The following PLD5 variants were observed in gnomAD, a reference collection of about 807,000 sequenced individuals.
PLD5 encodes the protein inactive phospholipase D5.
In PLD5, 36 loss-of-function variants were observed where a neutral mutation model predicts 61.1. The ratio of observed to expected loss-of-function variants is 0.59; its 90% CI spans 0.45 to 0.78. The LOEUF (loss-of-function observed/expected upper bound fraction) is 0.78. Ranked by LOEUF, PLD5 falls within the 30% of genes least tolerant of loss-of-function variation. The pLI, the probability that PLD5 is intolerant of heterozygous loss-of-function variation, is 0.00. For synonymous variants in PLD5, 243 were observed against 242.8 expected, an observed-to-expected ratio of 1.00 and a Z score of -0.01; for missense variants, 515 against 644.4, an observed-to-expected ratio of 0.80 and a Z score of 2.17.
At chr1:242,437,686 CAAAAA>C (rs11308782) in intron 1 of PLD5, among the ~76,000 whole-genome samples, 2 of 149,532 alleles carry the variant, frequency 1.3e-5, no homozygotes, top group Non-Finnish European at 3.0e-5. Flanking sequence ...GTTTACGTCT[CAAAAA>C]AAAAAAATTT....
intron 5 of PLD5, among the ~76,000 whole-genome samples, chr1:242,217,726 T>C (rs1670306179): frequency 6.6e-6 from 1 of 152,092 alleles, no homozygotes; most frequent in African/African-American, 2.4e-5. Context: ...CTCTGAGGGG[T>C]TTAAGACTTC....
intron 1 of PLD5, among the ~76,000 whole-genome samples, chr1:242,383,439 T>TTTTTTCC (rs1315375790): frequency 1.3e-5 from 2 of 152,008 alleles, no homozygotes; most frequent in African/African-American, 4.8e-5. Context: ...TTCATTTACT[T>TTTTTTCC]TTTTTCCTTC....
chr1:242,411,717 C>T (rs1320633039), intron 1 of PLD5, among the ~76,000 whole-genome samples: 5 of 152,132 alleles, frequency 3.3e-5, no homozygotes, highest in African/African-American at 4.8e-5. Context: ...AAATAAGAGA[C>T]GTTTCCCTAT....
chr1:242,225,275 A>G (rs1670860391), intron 4 of PLD5, among the ~76,000 whole-genome samples: 1 of 152,044 alleles, frequency 6.6e-6, no homozygotes, highest in South Asian at 2.1e-4. Flanking sequence ...ATTTCATGGT[A>G]TGGAATGCAC....
intron 1 of PLD5, among the ~76,000 whole-genome samples, chr1:242,397,003 CCT>C (rs1293714865): frequency 2.0e-5 from 3 of 152,062 alleles, no homozygotes; most frequent in East Asian, 3.9e-4. Flanking sequence ...CTCTCTGGCC[CCT>C]CTTTTTCAGT....
At chr1:242,122,315 G>C (rs1217135439) in intron 6 of PLD5, among the ~76,000 whole-genome samples, 1 of 152,172 alleles carries the variant, frequency 6.6e-6, no homozygotes, top group Non-Finnish European at 1.5e-5. Context: ...CCTGTTTAAG[G>C]GTTAGTATGT....
intron 1 of PLD5, among the ~76,000 whole-genome samples, chr1:242,516,223 C>T (rs1021107329): frequency 2.1e-5 from 3 of 144,050 alleles, no homozygotes; most frequent in Non-Finnish European, 4.5e-5. Context: ...AGAGTGTGTG[C>T]TAAAAATATA....
chr1:242,089,365 A>G lies in PLD5; in HGVS notation c.*489T>C, dbSNP rs543588301. On this transcript the variant is annotated 3_prime_UTR_variant, in exon 10 of 10. Coordinates refer to ENST00000536534, the MANE Select transcript of PLD5 (RefSeq NM_001372062.1). ...GGTGTTGAAGGCTGGCATGAGATGT[A>G]AGCTATTCATGCTTAGCTGACTGTG... The G allele has an allele frequency of 4.9e-6, 2 of 404,784 alleles. No individual in the cohort carries two copies. Among genetic ancestry groups the G allele is most frequent in the Non-Finnish European group, 8.7e-6 (2 of 229,554 alleles). 25.1% of individuals were successfully genotyped at this position (404,784 alleles called of 1,614,324 possible). A position where few individuals can be genotyped will look rare whatever the true frequency, so the allele number is the denominator to read the frequency against.
intron 5 of PLD5, among the ~76,000 whole-genome samples, chr1:242,134,352 C>A (rs1006228028): frequency 6.6e-6 from 1 of 151,538 alleles, no homozygotes; most frequent in Non-Finnish European, 1.5e-5. Flanking sequence ...GGATAGGAAG[C>A]TGACTGGGGA....
chr1:242,111,583 AT>A (rs1661508709), intron 7 of PLD5, among the ~76,000 whole-genome samples: 1 of 152,128 alleles, frequency 6.6e-6, no homozygotes, highest in Non-Finnish European at 1.5e-5. Context: ...TGAAAGATTA[AT>A]TCCATTAACA....
intron 1 of PLD5, among the ~76,000 whole-genome samples, chr1:242,473,045 AAAG>A (rs1321453991): frequency 2.6e-5 from 4 of 152,232 alleles, no homozygotes; most frequent in South Asian, 4.1e-4. Context: ...AAGAAAATAT[AAAG>A]AAGAATGTTC....
At chr1:242,090,586 A>G (rs1323114575) in intron 9 of PLD5, among the ~76,000 whole-genome samples, 1 of 152,220 alleles carries the variant, frequency 6.6e-6, no homozygotes, top group Non-Finnish European at 1.5e-5. Context: ...GTTCCTAACA[A>G]ACACTCGATT....
chr1:242,252,585 A>G (rs896044501), intron 4 of PLD5, among the ~76,000 whole-genome samples: 1 of 152,196 alleles, frequency 6.6e-6, no homozygotes, highest in African/African-American at 2.4e-5. Flanking sequence ...CCTTCAGAAC[A>G]TACACGTGGA....
chr1:242,300,199 G>A (rs1675943103), intron 2 of PLD5, among the ~76,000 whole-genome samples: 1 of 152,186 alleles, frequency 6.6e-6, no homozygotes, highest in Non-Finnish European at 1.5e-5. Flanking sequence ...AGCACTTTGG[G>A]AGGCCAAGGC....
At chr1:242,358,819 C>T (rs913440999) in intron 1 of PLD5, among the ~76,000 whole-genome samples, 20 of 152,090 alleles carry the variant, frequency 1.3e-4, no homozygotes, top group African/African-American at 4.1e-4. Flanking sequence ...TTGTCTTTCT[C>T]ACTATGTAGG....
chr1:242,448,961 C>T (rs1302926735), intron 1 of PLD5, among the ~76,000 whole-genome samples: 1 of 152,162 alleles, frequency 6.6e-6, no homozygotes, highest in African/African-American at 2.4e-5. Flanking sequence ...TTTTTACCGC[C>T]ACACAAACAT....
At chr1:242,490,976 T>A (rs1048721457) in intron 1 of PLD5, among the ~76,000 whole-genome samples, 5 of 152,234 alleles carry the variant, frequency 3.3e-5, no homozygotes, top group African/African-American at 4.8e-5. Flanking sequence ...CAGGCTTTGA[T>A]GTTTCCCCCC....
At chr1:242,359,227 C>T (rs1432361885) in intron 1 of PLD5, among the ~76,000 whole-genome samples, 3 of 152,130 alleles carry the variant, frequency 2.0e-5, no homozygotes, top group East Asian at 1.9e-4. Flanking sequence ...TTTCCTGTTT[C>T]CTGTGAGGTG....
intron 1 of PLD5, among the ~76,000 whole-genome samples, chr1:242,513,091 C>G (rs2809997): frequency 0.35 from 52,551 of 151,820 alleles, 9,322 homozygotes; most frequent in Admixed American, 0.4. Flanking sequence ...TGTTTTCCAG[C>G]CTGGTCTCAA....
Sources: allele counts gnomAD v4.1 joint callset (sites outside exome capture counted in the v4.1 genomes callset), GRCh38; gene constraint gnomAD v4.1.1; transcripts MANE v1.5; gene names NCBI Gene and HGNC (gene_info 2026-07-23, HGNC 2026-07-21).